The following PPP2R2B variants were observed in gnomAD, a reference collection of about 807,000 sequenced individuals.
PPP2R2B encodes protein phosphatase 2 regulatory subunit Bbeta.
Under a neutral mutation model 46.0 loss-of-function variants are expected in PPP2R2B, and 5 were observed. The ratio of observed to expected loss-of-function variants is 0.11; its 90% confidence interval spans 0.06 to 0.23. PPP2R2B has a LOEUF of 0.23. Among genes scored for constraint, PPP2R2B ranks in the 10% least tolerant of loss-of-function variants. The pLI is 1.00. For synonymous variants in PPP2R2B, 215 were observed against 206.7 expected, an observed-to-expected ratio of 1.04 and a Z score of -0.34; for missense variants, 367 against 575.0, an observed-to-expected ratio of 0.64 and a Z score of 3.70.
rs1352108334 is a variant in PPP2R2B, at chr5:146,708,104, T to C, written c.71-6962A>G. Among the ~76,000 whole-genome samples, 25 of 152,112 alleles carry C rather than the reference T, an allele frequency of 1.6e-4. 1 individual carries two copies. The highest frequency in any genetic ancestry group is 1.6e-3 in the Admixed American group (25 of 15,276). ...GGCACGGTGGCTCACGCCTATAATC[T>C]CAGCACTTTGGGAGGCTGAGGCAGG... is the stretch of plus-strand genomic sequence containing the variant. On this transcript the variant is annotated intron_variant, in intron 2 of 9. Coordinates refer to ENST00000394411, the MANE Select transcript of PPP2R2B (RefSeq NM_181675.4).
chr5:146,901,317 T>C (rs1241110141), intron 1 of PPP2R2B, among the ~76,000 whole-genome samples: 1 of 152,042 alleles, frequency 6.6e-6, no homozygotes. Flanking sequence ...TTGGGTAACA[T>C]AGTGAGACCC....
At position 146,588,650 on chromosome 5, in the gene PPP2R2B, T is replaced by C. The variant is rs1313464898; in HGVS notation, c.*1297A>G. The C allele has an allele frequency of 6.6e-6, 1 of 152,198 alleles. No homozygotes were observed. Among genetic ancestry groups the C allele is most frequent in the Non-Finnish European group, 1.5e-5 (1 of 68,028 alleles). The allele number at this position is 152,198 out of a possible 1,614,324, so 9.4% of individuals were successfully genotyped here. A position where few individuals can be genotyped will look rare whatever the true frequency, so the allele number is the denominator to read the frequency against. On this transcript the variant is annotated 3_prime_UTR_variant, in exon 10 of 10. Transcript: ENST00000394411. ...TGTGCCACATAGAACCTTCTGGAAA[T>C]GGCTTTCTAGAAGTTATAAATCTGG...
upstream of PPP2R2B, among the ~76,000 whole-genome samples, chr5:146,882,339 A>G (rs184637968): frequency 3.4e-4 from 51 of 152,118 alleles, 1 homozygote; most frequent in African/African-American, 1.2e-3. Context: ...TTCTTTCTTC[A>G]TAGAACTTAA....
At chr5:146,597,796 G>T (rs1244032023) in intron 8 of PPP2R2B, among the ~76,000 whole-genome samples, 3 of 152,120 alleles carry the variant, frequency 2.0e-5, no homozygotes, top group African/African-American at 7.2e-5. Flanking sequence ...ACACCTACAT[G>T]TTCCCATCAC....
intron 2 of PPP2R2B, among the ~76,000 whole-genome samples, chr5:146,787,517 C>G (rs1190795450): frequency 6.6e-6 from 1 of 151,844 alleles, no homozygotes; most frequent in Non-Finnish European, 1.5e-5. Context: ...CTCTTCTCTC[C>G]TCTCCTCTCT....
At chr5:146,675,787 T>G (rs1382611800) in intron 5 of PPP2R2B, among the ~76,000 whole-genome samples, 1 of 152,036 alleles carries the variant, frequency 6.6e-6, no homozygotes, top group East Asian at 1.9e-4. Context: ...AGCTCTTTTT[T>G]ATGGTTCTGC....
intron 1 of PPP2R2B, among the ~76,000 whole-genome samples, chr5:147,003,027 A>C (rs1216249421): frequency 6.6e-6 from 1 of 152,124 alleles, no homozygotes; most frequent in Non-Finnish European, 1.5e-5. Context: ...ATGGGGAAAA[A>C]TGGCCACCTG....
chr5:146,697,795 G>A (rs1779268503), intron 4 of PPP2R2B, among the ~76,000 whole-genome samples, 184 bp downstream of exon 4: 1 of 152,168 alleles, frequency 6.6e-6, no homozygotes, highest in Non-Finnish European at 1.5e-5. Context: ...TTAAAAAACA[G>A]TAGTTACTAT....
chr5:146,657,037 C>T (rs1776378732), intron 5 of PPP2R2B, among the ~76,000 whole-genome samples: 1 of 152,196 alleles, frequency 6.6e-6, no homozygotes, highest in South Asian at 2.1e-4. Flanking sequence ...ACCACACCAG[C>T]GATTCTTCAC....
chr5:146,723,996 A>C (rs1751688452), intron 2 of PPP2R2B, among the ~76,000 whole-genome samples: 1 of 151,940 alleles, frequency 6.6e-6, no homozygotes, highest in Admixed American at 6.6e-5. Context: ...GAAGGCAGGG[A>C]TGTTATCTTA....
At chr5:146,976,897 A>G (rs571358138) in intron 1 of PPP2R2B, among the ~76,000 whole-genome samples, 1 of 152,214 alleles carries the variant, frequency 6.6e-6, no homozygotes, top group South Asian at 2.1e-4. Context: ...CTCCCATAAA[A>G]CTAACAAGCA....
At chr5:146,776,427 T>C (rs1390506250) in intron 2 of PPP2R2B, among the ~76,000 whole-genome samples, 2 of 152,054 alleles carry the variant, frequency 1.3e-5, no homozygotes, top group African/African-American at 4.8e-5. Flanking sequence ...CAAATGGTGC[T>C]AGGAAAAAAC....
intron 2 of PPP2R2B, among the ~76,000 whole-genome samples, chr5:146,767,070 AAAG>A (rs1754529393): frequency 6.6e-6 from 1 of 150,582 alleles, no homozygotes; most frequent in Non-Finnish European, 1.5e-5. Context: ...AAAAAAAAAA[AAAG>A]GCTCAGCAGA....
chr5:146,819,345 T>C (rs962365930), intron 2 of PPP2R2B, among the ~76,000 whole-genome samples: 34 of 152,132 alleles, frequency 2.2e-4, no homozygotes, highest in Non-Finnish European at 4.1e-4. Context: ...CTACAAAACC[T>C]AAGGATGAGC....
intron 1 of PPP2R2B, among the ~76,000 whole-genome samples, chr5:147,028,466 C>A (rs984751979): frequency 5.9e-5 from 9 of 152,240 alleles, no homozygotes; most frequent in African/African-American, 2.2e-4. Flanking sequence ...AAAGCAAACA[C>A]CATCGTAACT....
chr5:146,667,184 A>G (rs1279952466), intron 5 of PPP2R2B, among the ~76,000 whole-genome samples: 1 of 152,206 alleles, frequency 6.6e-6, no homozygotes, highest in Non-Finnish European at 1.5e-5. Flanking sequence ...GAGAGACCGT[A>G]AATCTTCTCT....
chr5:146,882,007 G>A (rs917582365), upstream of PPP2R2B, among the ~76,000 whole-genome samples: 1 of 152,050 alleles, frequency 6.6e-6, no homozygotes, highest in African/African-American at 2.4e-5. Flanking sequence ...GCCAGGTGTG[G>A]TGGCTCACAC....
chr5:147,050,781 T>C (rs1269918944), intron 1 of PPP2R2B, among the ~76,000 whole-genome samples: 1 of 152,134 alleles, frequency 6.6e-6, no homozygotes, highest in Non-Finnish European at 1.5e-5. Flanking sequence ...ATTATTATTA[T>C]TTATAATATA....
chr5:146,981,346 G>A (rs1753168803), intron 1 of PPP2R2B, among the ~76,000 whole-genome samples: 1 of 152,044 alleles, frequency 6.6e-6, no homozygotes, highest in African/African-American at 2.4e-5. Context: ...TCTTCAATGA[G>A]AGTTTAGCTG....
Sources: gnomAD v4.1 joint callset for allele counts (sites outside exome capture counted in the v4.1 genomes callset) on GRCh38, gnomAD v4.1.1 for gene constraint, MANE v1.5 for transcripts, NCBI Gene and HGNC (gene_info 2026-07-23, HGNC 2026-07-21) for gene names.